RNF7: variants seen among roughly 807,000 people sequenced by gnomAD.
The protein encoded by RNF7 is RING-box protein 2.
Under a neutral mutation model 17.0 loss-of-function variants are expected in RNF7, and 9 were observed. That is an observed-to-expected ratio of 0.53 (90% CI 0.32 to 0.92). RNF7 has a LOEUF of 0.92. RNF7 is among the 40% of genes least tolerant of loss of function. The pLI is 0.04. For synonymous variants in RNF7, 59 were observed against 50.5 expected, an observed-to-expected ratio of 1.17 and a Z score of -0.72; for missense variants, 87 against 145.8, an observed-to-expected ratio of 0.60 and a Z score of 2.08.
intron 1 of RNF7, among the ~76,000 whole-genome samples, chr3:141,742,250 G>A (rs1415787413): frequency 2.2e-5 from 3 of 137,530 alleles, no homozygotes; most frequent in South Asian, 2.3e-4. Flanking sequence ...TTTTTGAGAC[G>A]GAGTCTCGCT....
chr3:141,740,837 C>G (rs556492009), intron 1 of RNF7, among the ~76,000 whole-genome samples: 3 of 152,216 alleles, frequency 2.0e-5, no homozygotes, highest in African/African-American at 7.2e-5. Flanking sequence ...TTCCTAAATT[C>G]AGCAACAAGA....
At position 141,743,605 on chromosome 3, in the gene RNF7, CAGT is replaced by C. The variant is rs764449654; in HGVS notation, c.223+52_223+54del. ...GCTTTTTCAACTGAAGGTTTTCTCT[CAGT>C]AGGGATGTTTGAATTTGAAATTAAG... On this transcript the variant is annotated intron_variant, in intron 2 of 2. Transcript: ENST00000273480. 3 of 1,341,722 alleles carry C rather than the reference CAGT, an allele frequency of 2.2e-6. No individual in the cohort carries two copies. In the South Asian group the frequency reaches 3.7e-5, roughly 17 times the overall value. The allele number at this position is 1,341,722 out of a possible 1,614,324, so 83.1% of individuals were successfully genotyped here. A position where few individuals can be genotyped will look rare whatever the true frequency, so the allele number is the denominator to read the frequency against.
In RNF7 at chr3:141,740,183, T is replaced by TA. The variant is rs1283575134; in HGVS notation, c.175+1669dup. Among the ~76,000 whole-genome samples the TA allele has an allele frequency of 7.1e-4, 107 of 151,642 alleles. 1 individual carries two copies. The highest frequency in any genetic ancestry group is 1.2e-4 in the Non-Finnish European group (8 of 67,894). On this transcript the variant is annotated intron_variant, in intron 1 of 2. Coordinates refer to ENST00000273480, the MANE Select transcript of RNF7 (RefSeq NM_014245.5). ...CCAGGAGACTCTTTTTTTTTTTTTT[T>TA]AAGACAAGTTTCGCTAAACATTTTA... is the stretch of plus-strand genomic sequence containing the variant.
intron 1 of RNF7, 116 bp downstream of exon 1, chr3:141,738,632 G>A: frequency 9.0e-7 from 1 of 1,116,914 alleles, no homozygotes; most frequent in South Asian, 2.0e-5. Flanking sequence ...TGGGAGAGTG[G>A]GTGGAGGTCG....
intron 1 of RNF7, among the ~76,000 whole-genome samples, chr3:141,739,682 T>G (rs1037892943): frequency 6.6e-6 from 1 of 152,204 alleles, no homozygotes; most frequent in African/African-American, 2.4e-5. Context: ...CAGTTTATGC[T>G]CTTTTGTCTT....
chr3:141,743,577 C>G, intron 2 of RNF7, 21 bp downstream of exon 2: 2 of 1,589,794 alleles, frequency 1.3e-6, no homozygotes, highest in Non-Finnish European at 1.7e-6. Flanking sequence ...ATTTTGTTCT[C>G]TTGCTTTTTC....
At chr3:141,742,574 A>G in intron 1 of RNF7, 1 of 1,143,002 alleles carries the variant, frequency 8.7e-7, no homozygotes, top group Non-Finnish European at 1.2e-6. Context: ...TTTATCTGTA[A>G]AATTCTCACC....
At chr3:141,741,045 T>G (rs2084411184) in intron 1 of RNF7, among the ~76,000 whole-genome samples, 1 of 152,230 alleles carries the variant, frequency 6.6e-6, no homozygotes, top group Admixed American at 6.5e-5. Flanking sequence ...GGGAATAGGT[T>G]TGCTAGTACA....
Position 141,738,347 on chromosome 3 carries a change from C to G in RNF7, c.6C>G (p.Ala2=). ...GTCGGCTCCGCGGCGCCGCCATGGC[C>G]GACGTGGAAGACGGAGAGGAAACCT... M[A]DVEDGEETCA... is the part of the protein sequence containing the mutation. Residue 2 remains alanine, a synonymous_variant, in exon 1 of 3, where the codon GCC becomes GCG. Transcript: ENST00000273480. 3.2e-6 allele frequency: 5 copies of G among 1,570,488 alleles called. No individual in the cohort carries two copies. Among genetic ancestry groups the G allele is most frequent in the Non-Finnish European group, 4.3e-6 (5 of 1,158,306 alleles).
At chr3:141,739,159 A>AGT (rs1423743806) in intron 1 of RNF7, among the ~76,000 whole-genome samples, 1 of 152,220 alleles carries the variant, frequency 6.6e-6, no homozygotes, top group Non-Finnish European at 1.5e-5. Context: ...TGAAGGGAAC[A>AGT]GTGTGGTTCA....
chr3:141,745,042 G>T, intron 2 of RNF7, 117 bp from the exon 3 acceptor site: 1 of 605,810 alleles, frequency 1.7e-6, no homozygotes, highest in Non-Finnish European at 2.9e-6. Flanking sequence ...ACATTATTTT[G>T]GCCAATTAAC....
At chr3:141,743,593 A>G in intron 2 of RNF7, 37 bp downstream of exon 2, 1 of 1,512,506 alleles carries the variant, frequency 6.6e-7, no homozygotes, top group South Asian at 1.2e-5. Flanking sequence ...TTTTCAACTG[A>G]AGGTTTTCTC....
In RNF7 at chr3:141,738,424, A is replaced by T; in HGVS notation, c.83A>T (p.Lys28Met). ...GSSGSKSGGD[K>M]MFSLKKWNAV... The stretch of plus-strand genomic sequence containing the variant: ...TCAGGCTCCAAGTCGGGAGGCGACA[A>T]GATGTTCTCCCTCAAGAAGTGGAAC... Residue 28 changes from lysine to methionine, a missense_variant, in exon 1 of 3, where the codon AAG becomes ATG. Physicochemically the swap from Lys to Met is moderately conservative, Grantham distance 95. This residue lies in a region of RNF7 where 51 missense variants were observed against 41.0 expected (regional missense o/e 1.24). Transcript: ENST00000273480. The T allele has an allele frequency of 1.2e-6, 2 of 1,612,596 alleles. No individual in the cohort carries two copies. Among genetic ancestry groups the T allele is most frequent in the Non-Finnish European group, 1.7e-6 (2 of 1,179,374 alleles).
At chr3:141,740,493 T>C (rs2084405505) in intron 1 of RNF7, among the ~76,000 whole-genome samples, 1 of 152,218 alleles carries the variant, frequency 6.6e-6, no homozygotes, top group South Asian at 2.1e-4. Context: ...TAGCAAGTAT[T>C]CTGCTACTAC....
chr3:141,738,614 G>GC, intron 1 of RNF7, 98 bp downstream of exon 1: 1 of 1,298,646 alleles, frequency 7.7e-7, no homozygotes, highest in Non-Finnish European at 1.0e-6. Context: ...CTCGGAAAGT[G>GC]CCCTGCCTGG....
intron 1 of RNF7, 143 bp downstream of exon 1, chr3:141,738,659 G>A (rs2084383405): frequency 7.9e-6 from 7 of 886,704 alleles, no homozygotes; most frequent in Non-Finnish European, 1.1e-5. Context: ...CCCGGCGCCG[G>A]AGGAACGCGG....
chr3:141,744,209 G>A (rs1253026402), intron 2 of RNF7, among the ~76,000 whole-genome samples: 1 of 152,082 alleles, frequency 6.6e-6, no homozygotes, highest in East Asian at 1.9e-4. Flanking sequence ...CAAATACATG[G>A]TGTACATAGA....
rs1231005653 is a variant in RNF7 at position 141,743,575 on chromosome 3, C to T, written c.223+19C>T. Reference sequence around the variant, plus strand: ...TGTGTTGGTATGTTGTAATTTTGTTCTCTTGCTTTTTCAACTGAAGGTTTT... The same window carrying T: ...TGTGTTGGTATGTTGTAATTTTGTTTTCTTGCTTTTTCAACTGAAGGTTTT... On this transcript the variant is annotated intron_variant, in intron 2 of 2. Coordinates refer to ENST00000273480, the MANE Select transcript of RNF7 (RefSeq NM_014245.5). The T allele has an allele frequency of 1.2e-5, 19 of 1,593,268 alleles. No homozygotes were observed. Among genetic ancestry groups the T allele is most frequent in the Non-Finnish European group, 1.5e-5 (17 of 1,169,186 alleles).
rs943358986 is a variant in RNF7 at position 141,738,434 on chromosome 3, C to A, written c.93C>A (p.Ser31=). 1 of 1,613,174 alleles carries A rather than the reference C, an allele frequency of 6.2e-7. No homozygotes were observed. The highest frequency in any genetic ancestry group is 1.3e-5 in the African/African-American group (1 of 74,914). ...AGTCGGGAGGCGACAAGATGTTCTC[C>A]CTCAAGAAGTGGAACGCGGTGGCCA... ...GSKSGGDKMF[S]LKKWNAVAMW... Residue 31 remains serine, a synonymous_variant, in exon 1 of 3, where the codon TCC becomes TCA. Coordinates refer to ENST00000273480, the MANE Select transcript of RNF7 (RefSeq NM_014245.5).
Sources: allele counts gnomAD v4.1 joint callset (sites outside exome capture counted in the v4.1 genomes callset), GRCh38; gene constraint gnomAD v4.1.1; regional missense constraint gnomAD v4.1.1; transcripts MANE v1.5; gene names NCBI Gene and HGNC (gene_info 2026-07-23, HGNC 2026-07-21).